The following TUBA1C variants were observed in gnomAD, a reference collection of about 807,000 sequenced individuals.
TUBA1C encodes tubulin alpha-1C chain.
A neutral mutation model predicts 34.9 loss-of-function variants in TUBA1C; 16 were observed. That is an observed-to-expected ratio of 0.46 (90% CI 0.31 to 0.70). The LOEUF is 0.70. Among genes scored for constraint, TUBA1C ranks in the 30% least tolerant of loss-of-function variants. The pLI, the probability that TUBA1C is intolerant of heterozygous loss-of-function variation, is 0.05. For synonymous variants in TUBA1C, 177 were observed against 215.9 expected, an observed-to-expected ratio of 0.82 and a Z score of 1.58; for missense variants, 329 against 587.3, an observed-to-expected ratio of 0.56 and a Z score of 4.55.
chr12:49,254,502 A>G (rs1045630378), intron 1 of TUBA1C, among the ~76,000 whole-genome samples: 1 of 150,544 alleles, frequency 6.6e-6, no homozygotes, highest in Non-Finnish European at 1.5e-5. Context: ...AAAAAAAAAA[A>G]AAAAAACGGG....
intron 1 of TUBA1C, among the ~76,000 whole-genome samples, chr12:49,236,129 C>T (rs558122175): frequency 2.8e-4 from 43 of 152,172 alleles, no homozygotes; most frequent in Non-Finnish European, 4.1e-4. Flanking sequence ...ATCATGAAGC[C>T]CTGCCAACAT....
chr12:49,231,820 A>G (rs1398924677), intron 1 of TUBA1C, among the ~76,000 whole-genome samples: 6 of 152,212 alleles, frequency 3.9e-5, no homozygotes, highest in Admixed American at 3.3e-4. Flanking sequence ...AAGGGCTAGG[A>G]TTACAGGCAT....
chr12:49,234,045 T>G (rs1942524430), intron 1 of TUBA1C: 1 of 152,108 alleles, frequency 6.6e-6, no homozygotes, highest in African/African-American at 2.4e-5. Flanking sequence ...TGACGCGCAA[T>G]AAGCAGATGA....
intron 1 of TUBA1C, among the ~76,000 whole-genome samples, chr12:49,253,401 G>A (rs1001131652): frequency 2.0e-5 from 3 of 152,134 alleles, no homozygotes; most frequent in Non-Finnish European, 4.4e-5. Context: ...ACACGTGGGC[G>A]TGTCAATGTC....
intron 1 of TUBA1C, among the ~76,000 whole-genome samples, chr12:49,228,531 G>A (rs1942462950): frequency 6.6e-6 from 1 of 152,174 alleles, no homozygotes; most frequent in Non-Finnish European, 1.5e-5. Flanking sequence ...TTTATAAATG[G>A]AATCAAATGA....
At chr12:49,271,102 A>G (rs1371942881) in intron 3 of TUBA1C, among the ~76,000 whole-genome samples, 1 of 152,232 alleles carries the variant, frequency 6.6e-6, no homozygotes, top group Non-Finnish European at 1.5e-5. Context: ...CGTGAGGTTT[A>G]TTGCCTACCA....
chr12:49,270,904 G>A (rs543479648), intron 3 of TUBA1C, among the ~76,000 whole-genome samples: 6 of 152,208 alleles, frequency 3.9e-5, no homozygotes, highest in South Asian at 4.1e-4. Context: ...GCGTGAACAC[G>A]GGAGGCGGAG....
Position 49,272,237 on chromosome 12 carries a change from CTTT to C in TUBA1C, c.376-12_376-10del, listed in dbSNP as rs769178494. On this transcript the variant is annotated splice_polypyrimidine_tract_variant and intron_variant, in intron 3 of 3. Coordinates refer to ENST00000301072, the MANE Select transcript of TUBA1C (RefSeq NM_032704.5). Reference sequence around the variant, plus strand: ...AAACTTTCGCAACACTAAAATGAAACTTTTTTATTTTGCAGGCTGACCAGTGCA... The same window carrying C: ...AAACTTTCGCAACACTAAAATGAAACTTTATTTTGCAGGCTGACCAGTGCA... 30 of 1,579,510 alleles carry C rather than the reference CTTT, an allele frequency of 1.9e-5. No homozygotes were observed. In the African/African-American group the frequency reaches 1.9e-4, roughly 10 times the overall value.
At chr12:49,246,061 C>T (rs373710564) in intron 1 of TUBA1C, among the ~76,000 whole-genome samples, 2 of 152,084 alleles carry the variant, frequency 1.3e-5, no homozygotes, top group South Asian at 2.1e-4. Context: ...TGCGCCACCA[C>T]GCCCACCTAA....
upstream of TUBA1C, chr12:49,264,925 A>G: frequency 2.9e-6 from 1 of 345,302 alleles, no homozygotes; most frequent in African/African-American, 2.1e-5. Context: ...GAATCCGCCA[A>G]TCAGCGCCGC....
In TUBA1C at chr12:49,252,861, C is replaced by A. The variant is rs550630165; in HGVS notation, c.214-16604C>A. On this transcript the variant is annotated intron_variant, in intron 1 of 3. Coordinates refer to the TUBA1C transcript ENST00000541364. ...CCGGGAGGCGGAGGTTGCGGTGAGC[C>A]GAGATCATGCCATTGCACTCCAGCC... Among the ~76,000 whole-genome samples the A allele has an allele frequency of 2.0e-5, 3 of 151,870 alleles. No homozygotes were observed. In the East Asian group the frequency reaches 5.8e-4, roughly 29 times the overall value.
At chr12:49,267,995 G>A (rs2137019698) in intron 1 of TUBA1C, among the ~76,000 whole-genome samples, 1 of 152,256 alleles carries the variant, frequency 6.6e-6, no homozygotes, top group South Asian at 2.1e-4. Context: ...ATTTTACTTA[G>A]CAGGTGTGGG....
intron 1 of TUBA1C, among the ~76,000 whole-genome samples, chr12:49,245,135 C>T (rs1275954301): frequency 1.3e-5 from 2 of 152,074 alleles, no homozygotes; most frequent in African/African-American, 4.8e-5. Context: ...ACACAAATTA[C>T]AAGGGGTTTA....
chr12:49,258,565 T>C (rs1942809829), intron 1 of TUBA1C, among the ~76,000 whole-genome samples: 3 of 151,938 alleles, frequency 2.0e-5, no homozygotes, highest in African/African-American at 4.8e-5. Context: ...GTAGCTGGGA[T>C]TACAGGTGTG....
At chr12:49,231,745 C>T (rs1210608495) in intron 1 of TUBA1C, among the ~76,000 whole-genome samples, 5 of 150,574 alleles carry the variant, frequency 3.3e-5, no homozygotes, top group Admixed American at 6.6e-5. Flanking sequence ...GATGGAGTCT[C>T]GCTATGTTGA....
chr12:49,268,973 G>GT (rs1942952259), intron 1 of TUBA1C, among the ~76,000 whole-genome samples: 1 of 152,160 alleles, frequency 6.6e-6, no homozygotes, highest in Non-Finnish European at 1.5e-5. Flanking sequence ...CACATCTTTG[G>GT]TTTTCCAAGG....
At chr12:49,230,942 G>T (rs1942489818) in intron 1 of TUBA1C, among the ~76,000 whole-genome samples, 2 of 152,318 alleles carry the variant, frequency 1.3e-5, no homozygotes, top group South Asian at 2.1e-4. Context: ...AGTCTGTGGG[G>T]TGTGGTCAGA....
At chr12:49,249,163 C>T (rs553722292) in intron 1 of TUBA1C, among the ~76,000 whole-genome samples, 1 of 152,298 alleles carries the variant, frequency 6.6e-6, no homozygotes, top group South Asian at 2.1e-4. Flanking sequence ...CGCGGTGGCT[C>T]ATGCCTGTAA....
chr12:49,272,140 A>T, intron 3 of TUBA1C, 113 bp from the exon 4 acceptor site: 7 of 1,507,892 alleles, frequency 4.6e-6, no homozygotes, highest in South Asian at 2.8e-5. Context: ...GAAGAGTTTT[A>T]AAATTGCAAT....
Sources: gnomAD v4.1 joint callset for allele counts (sites outside exome capture counted in the v4.1 genomes callset) on GRCh38, gnomAD v4.1.1 for gene constraint, MANE v1.5 for transcripts, NCBI Gene and HGNC (gene_info 2026-07-23, HGNC 2026-07-21) for gene names.